ADCY1: variants seen among roughly 807,000 people sequenced by gnomAD.
ADCY1 encodes the protein adenylate cyclase type 1.
A neutral mutation model predicts 105.4 loss-of-function variants in ADCY1; 28 were observed. The observed-to-expected ratio is 0.27, with a 90% CI of 0.20 to 0.36. ADCY1 has a LOEUF of 0.36. Among genes scored for constraint, ADCY1 ranks in the 10% least tolerant of loss-of-function variants. The probability of loss-of-function intolerance (pLI) is 1.00; values close to 1 mark genes in which losing one functional copy is unlikely to be tolerated. For missense variants in ADCY1, 977 were observed against 1,434.2 expected, an observed-to-expected ratio of 0.68 and a Z score of 5.15; for synonymous variants, 655 against 623.8, an observed-to-expected ratio of 1.05 and a Z score of -0.75.
intron 4 of ADCY1, among the ~76,000 whole-genome samples, chr7:45,635,340 A>G (rs960057851): frequency 1.3e-5 from 2 of 151,142 alleles, no homozygotes; most frequent in African/African-American, 4.9e-5. Context: ...CATTTGATTG[A>G]TTTCTCTATT....
At chr7:45,601,062 A>T (rs1196698804) in intron 2 of ADCY1, among the ~76,000 whole-genome samples, 1 of 152,322 alleles carries the variant, frequency 6.6e-6, no homozygotes, top group African/African-American at 2.4e-5. Flanking sequence ...CGAGTGTATG[A>T]TTTAAAAATA....
At chr7:45,681,444 G>A (rs1784553910) in intron 11 of ADCY1, among the ~76,000 whole-genome samples, 1 of 152,140 alleles carries the variant, frequency 6.6e-6, no homozygotes, top group Admixed American at 6.5e-5. Context: ...CAAGCATAGA[G>A]CGTTTTTTCC....
chr7:45,636,127 T>C (rs904925251), intron 4 of ADCY1, among the ~76,000 whole-genome samples: 1 of 152,242 alleles, frequency 6.6e-6, no homozygotes, highest in African/African-American at 2.4e-5. Context: ...CTGATATTAA[T>C]AGAGCCATTT....
chr7:45,701,710 C>T (rs764753503), intron 14 of ADCY1, among the ~76,000 whole-genome samples: 8 of 152,108 alleles, frequency 5.3e-5, no homozygotes, highest in Non-Finnish European at 1.0e-4. Flanking sequence ...TTGATGAGAA[C>T]TTGAGTTGAA....
intron 3 of ADCY1, among the ~76,000 whole-genome samples, chr7:45,616,475 A>G (rs185054745): frequency 6.2e-4 from 94 of 152,376 alleles, no homozygotes; most frequent in African/African-American, 2.2e-3. Context: ...ACCATGATCA[A>G]TTGAGATTTA....
chr7:45,684,730 G>T (rs575414886), intron 11 of ADCY1: 161 of 347,026 alleles, frequency 4.6e-4, no homozygotes, highest in African/African-American at 3.2e-3. Flanking sequence ...CAATGCAAGT[G>T]GAAGGAAGGG....
intron 6 of ADCY1, 63 bp from the exon 7 acceptor site, chr7:45,659,979 G>T (rs562545049): frequency 3.1e-6 from 5 of 1,601,014 alleles, no homozygotes; most frequent in Admixed American, 3.4e-5. Flanking sequence ...CTCTGGTAAG[G>T]CCCTGCAGAC....
intron 8 of ADCY1, among the ~76,000 whole-genome samples, chr7:45,676,779 ATCAAAGT>A (rs1330865668): frequency 1.3e-5 from 2 of 151,088 alleles, no homozygotes; most frequent in Admixed American, 1.3e-4. Flanking sequence ...CCTAATAAAG[ATCAAAGT>A]CGAGGCTCCC....
chr7:45,608,851 C>T (rs1264484003), intron 2 of ADCY1, among the ~76,000 whole-genome samples: 2 of 151,924 alleles, frequency 1.3e-5, no homozygotes, highest in Non-Finnish European at 2.9e-5. Context: ...CAGTGGGGCC[C>T]TTGGTGGGGG....
chr7:45,589,533 T>A (rs573114093), intron 1 of ADCY1, among the ~76,000 whole-genome samples: 1 of 152,308 alleles, frequency 6.6e-6, no homozygotes, highest in East Asian at 1.9e-4. Flanking sequence ...TAAATGCCCC[T>A]CTAGCCGTGA....
rs1015035164 is a variant in ADCY1, at chr7:45,591,695, G to A, written c.640-1064G>A. On this transcript the variant is annotated intron_variant, in intron 1 of 19. Coordinates refer to ENST00000297323, the MANE Select transcript of ADCY1 (RefSeq NM_021116.4). This position sits in a 1 kb window ranked among gnomAD's most constrained non-coding sequence, Gnocchi z 4.1. Reference sequence around the variant, plus strand: ...GACATGCCATGGCCCTGCATGGCTCGTCAGAGTTGCCTGTGTCCAGACCCA... The same window carrying A: ...GACATGCCATGGCCCTGCATGGCTCATCAGAGTTGCCTGTGTCCAGACCCA... Among the ~76,000 whole-genome samples the A allele has an allele frequency of 1.3e-5, 2 of 152,220 alleles. No homozygotes were observed. The highest frequency in any genetic ancestry group is 4.8e-5 in the African/African-American group (2 of 41,460).
chr7:45,640,674 TG>T (rs1453105017), intron 4 of ADCY1, among the ~76,000 whole-genome samples: 8 of 152,232 alleles, frequency 5.3e-5, no homozygotes, highest in African/African-American at 1.9e-4. Context: ...CATATCCATT[TG>T]GGGTCTAGGT....
rs555678018 is a variant in ADCY1 at position 45,674,886 on chromosome 7, A to G, written c.1606-2983A>G. 3.3e-5 allele frequency among the ~76,000 whole-genome samples: 5 copies of G among 152,256 alleles called. No homozygotes were observed. The East Asian group carries it at 9.6e-4, about 29-fold the overall frequency. Reference sequence around the variant, plus strand: ...CTACTTTCTTTAGATTAAAGTTTGCATGGTGTATAATTTCTATTCTATTAA... The same window carrying G: ...CTACTTTCTTTAGATTAAAGTTTGCGTGGTGTATAATTTCTATTCTATTAA... On this transcript the variant is annotated intron_variant, in intron 8 of 19. Coordinates refer to ENST00000297323, the MANE Select transcript of ADCY1 (RefSeq NM_021116.4).
chr7:45,618,973 A>G (rs1257064251), intron 3 of ADCY1, among the ~76,000 whole-genome samples: 1 of 152,214 alleles, frequency 6.6e-6, no homozygotes, highest in Non-Finnish European at 1.5e-5. Flanking sequence ...AGTGTCCAAC[A>G]GCAGATGAAT....
At chr7:45,619,022 T>C (rs1315330223) in intron 3 of ADCY1, among the ~76,000 whole-genome samples, 1 of 152,226 alleles carries the variant, frequency 6.6e-6, no homozygotes, top group Non-Finnish European at 1.5e-5. Flanking sequence ...GATGGAATAC[T>C]ATTCAGGCAT....
chr7:45,611,113 A>AGGCG (rs1159802040), intron 3 of ADCY1, among the ~76,000 whole-genome samples: 1 of 148,244 alleles, frequency 6.7e-6, no homozygotes, highest in Non-Finnish European at 1.5e-5. Context: ...GTGATGGTGG[A>AGGCG]TGTGATGGTG....
intron 2 of ADCY1, among the ~76,000 whole-genome samples, chr7:45,599,362 G>A (rs1411849399): frequency 1.3e-5 from 2 of 151,494 alleles, no homozygotes; most frequent in Non-Finnish European, 2.9e-5. Context: ...CAGCCCACTG[G>A]GTTCTTCAGT....
At chr7:45,640,744 C>T (rs1224624932) in intron 4 of ADCY1, among the ~76,000 whole-genome samples, 1 of 152,166 alleles carries the variant, frequency 6.6e-6, no homozygotes, top group East Asian at 1.9e-4. Flanking sequence ...CTATAGGGGA[C>T]CAAACATCCT....
intron 11 of ADCY1, among the ~76,000 whole-genome samples, chr7:45,682,587 G>C (rs1784581946): frequency 6.6e-6 from 1 of 152,174 alleles, no homozygotes; most frequent in Admixed American, 6.5e-5. Context: ...CCTCGGATAA[G>C]CTGCTTCTGC....
Sources: allele counts gnomAD v4.1 joint callset (sites outside exome capture counted in the v4.1 genomes callset), GRCh38; gene constraint gnomAD v4.1.1; non-coding constraint Gnocchi (gnomAD v3.1); transcripts MANE v1.5; gene names NCBI Gene and HGNC (gene_info 2026-07-23, HGNC 2026-07-21).